The following SRGAP2 variants were observed in gnomAD, a reference collection of about 807,000 sequenced individuals.
The protein encoded by SRGAP2 is SLIT-ROBO Rho GTPase activating protein 2, also known as SLIT-ROBO Rho GTPase-activating protein 2.
SRGAP2 carries 15 observed loss-of-function variants against 57.2 expected under a neutral mutation model. The ratio of observed to expected loss-of-function variants is 0.26; its 90% CI spans 0.18 to 0.40. The LOEUF (loss-of-function observed/expected upper bound fraction) is 0.40. Among genes scored for constraint, SRGAP2 ranks in the 10% least tolerant of loss-of-function variants. The pLI, the probability that SRGAP2 is intolerant of heterozygous loss-of-function variation, is 1.00. For synonymous variants in SRGAP2, 249 were observed against 248.0 expected (o/e 1.00, Z -0.04); for missense variants, 520 against 669.6 (o/e 0.78, Z 2.47).
At chr1:206,457,597 G>A (rs572994362) in intron 21 of SRGAP2, among the ~76,000 whole-genome samples, 4 of 152,188 alleles carry the variant, frequency 2.6e-5, no homozygotes, top group African/African-American at 9.7e-5. Flanking sequence ...TAAAACTGCC[G>A]AGTGGACAGA....
chr1:206,445,084 G>A (rs535756755), intron 17 of SRGAP2, among the ~76,000 whole-genome samples: 1 of 152,188 alleles, frequency 6.6e-6, no homozygotes, highest in Admixed American at 6.5e-5. Flanking sequence ...TGAGTCTCAG[G>A]CCTCGTTTCC....
At chr1:206,437,867 A>G in intron 15 of SRGAP2, 97 bp from the exon 16 acceptor site, 1 of 738,378 alleles carries the variant, frequency 1.4e-6, no homozygotes, top group Non-Finnish European at 2.5e-6. Flanking sequence ...ATGGATTGGG[A>G]CCAGGACATG....
chr1:206,313,715 G>A (rs1282158187), intron 3 of SRGAP2, among the ~76,000 whole-genome samples: 1 of 152,170 alleles, frequency 6.6e-6, no homozygotes, highest in Non-Finnish European at 1.5e-5. Context: ...GATTAACCTA[G>A]TGGTAGTTTG....
chr1:206,227,159 C>T (rs868910768), intron 2 of SRGAP2, among the ~76,000 whole-genome samples: 3 of 150,312 alleles, frequency 2.0e-5, no homozygotes, highest in Non-Finnish European at 3.0e-5. Flanking sequence ...CTATTTTGCA[C>T]GTATTTGTTT....
At chr1:206,222,561 A>C (rs1228092520) in intron 2 of SRGAP2, among the ~76,000 whole-genome samples, 1 of 142,562 alleles carries the variant, frequency 7.0e-6, no homozygotes, top group Non-Finnish European at 1.5e-5. Context: ...TAAGCCAGGC[A>C]TGGTGATGTG....
chr1:206,401,937 A>G (rs1177904625), intron 8 of SRGAP2, among the ~76,000 whole-genome samples: 1 of 151,878 alleles, frequency 6.6e-6, no homozygotes, highest in Non-Finnish European at 1.5e-5. Flanking sequence ...GGGGTATCCA[A>G]AGGGGCCCAG....
chr1:206,262,809 G>A lies in SRGAP2; in HGVS notation c.68-40472G>A, dbSNP rs545041224. Among the ~76,000 whole-genome samples, 9 of 137,294 alleles carry A rather than the reference G, an allele frequency of 6.6e-5. No individual in the cohort carries two copies. The South Asian group carries it at 1.6e-3, about 24-fold the overall frequency. 90.1% of individuals were successfully genotyped at this position (137,294 alleles called of 152,430 possible). On this transcript the variant is annotated intron_variant, in intron 2 of 22. Transcript: ENST00000573034. The stretch of plus-strand genomic sequence containing the variant: ...TGCCACCAGTTGATTGCTTTTGTTC[G>A]CATGTATTACTTTGGTAAAAAAATA...
intron 3 of SRGAP2, among the ~76,000 whole-genome samples, chr1:206,332,743 C>T (rs1293855616): frequency 6.6e-6 from 1 of 151,646 alleles, no homozygotes; most frequent in Admixed American, 6.6e-5. Flanking sequence ...ACTTCTTTGC[C>T]TTTGGTTTGA....
At chr1:206,392,623 C>T in intron 5 of SRGAP2, 66 bp from the exon 6 acceptor site, 1 of 712,488 alleles carries the variant, frequency 1.4e-6, no homozygotes, top group Non-Finnish European at 2.6e-6. Context: ...GTCTGTTAGT[C>T]TGTAAAGCAG....
chr1:206,437,887 C>T, intron 15 of SRGAP2, 77 bp from the exon 16 acceptor site: 1 of 761,188 alleles, frequency 1.3e-6, no homozygotes, highest in Non-Finnish European at 2.4e-6. Flanking sequence ...GCATGGTTCA[C>T]CCCTTCCCCA....
At chr1:206,427,350 G>A (rs1553366717) in intron 13 of SRGAP2, among the ~76,000 whole-genome samples, 1 of 152,176 alleles carries the variant, frequency 6.6e-6, no homozygotes, top group African/African-American at 2.4e-5. Flanking sequence ...TAACCAGCCA[G>A]TCAGTGATGC....
intron 20 of SRGAP2, chr1:206,453,847 C>T (rs1055834322): frequency 8.7e-6 from 3 of 343,446 alleles, no homozygotes; most frequent in Non-Finnish European, 1.6e-5. Context: ...TAGGAGAAAT[C>T]CGGCTTAAGC....
intron 2 of SRGAP2, among the ~76,000 whole-genome samples, chr1:206,301,063 G>C (rs1409019891): frequency 6.6e-6 from 1 of 152,086 alleles, no homozygotes; most frequent in South Asian, 2.1e-4. Context: ...ATGGAGTCTC[G>C]CTCTGTCGCC....
chr1:206,426,505 G>A (rs1463648469), intron 13 of SRGAP2, among the ~76,000 whole-genome samples: 9 of 152,210 alleles, frequency 5.9e-5, no homozygotes, highest in Non-Finnish European at 1.2e-4. Context: ...CAGTGGGCCT[G>A]CTGGATCATA....
chr1:206,439,057 A>T (rs1490698116), intron 16 of SRGAP2, among the ~76,000 whole-genome samples: 2 of 152,066 alleles, frequency 1.3e-5, no homozygotes, highest in Non-Finnish European at 2.9e-5. Context: ...TTTTTCCGGG[A>T]CTGGGCCTAG....
At chr1:206,440,691 C>T (rs1223537081) in intron 17 of SRGAP2, among the ~76,000 whole-genome samples, 1 of 151,974 alleles carries the variant, frequency 6.6e-6, no homozygotes, top group Non-Finnish European at 1.5e-5. Context: ...GGGACCCAGG[C>T]GCATGCCACC....
chr1:206,428,331 G>A (rs1296122145), intron 13 of SRGAP2, among the ~76,000 whole-genome samples: 2 of 150,092 alleles, frequency 1.3e-5, no homozygotes, highest in African/African-American at 4.9e-5. Context: ...GCAGGAGAAA[G>A]GCATGAACCT....
intron 2 of SRGAP2, among the ~76,000 whole-genome samples, chr1:206,240,457 G>A (rs1401353060): frequency 2.0e-5 from 3 of 152,062 alleles, no homozygotes; most frequent in Non-Finnish European, 4.4e-5. Context: ...TAAACTCATG[G>A]AGCTGGCTCC....
At chr1:206,358,136 G>A (rs1676598402) in intron 4 of SRGAP2, among the ~76,000 whole-genome samples, 4 of 152,090 alleles carry the variant, frequency 2.6e-5, no homozygotes, top group South Asian at 4.2e-4. Context: ...TCAGTGCTAC[G>A]CCTGAGCTTG....
Sources: gnomAD v4.1 joint callset for allele counts (sites outside exome capture counted in the v4.1 genomes callset) on GRCh38, gnomAD v4.1.1 for gene constraint, MANE v1.5 for transcripts, NCBI Gene and HGNC (gene_info 2026-07-23, HGNC 2026-07-21) for gene names.